CLDN2: variants seen among roughly 807,000 people sequenced by gnomAD.
CLDN2 encodes claudin 2, also known as claudin-2.
CLDN2 carries 1 observed loss-of-function variant against 8.2 expected under a neutral mutation model. The observed-to-expected ratio is 0.12, with a 90% confidence interval of 0.04 to 0.58. The LOEUF (loss-of-function observed/expected upper bound fraction) is 0.58. Ranked by LOEUF, CLDN2 falls within the 20% of genes least tolerant of loss-of-function variation. CLDN2 has a pLI of 0.90. For missense variants in CLDN2, 108 were observed against 172.9 expected, an observed-to-expected ratio of 0.62 and a Z score of 2.11; for synonymous variants, 70 against 70.2, an observed-to-expected ratio of 1.00 and a Z score of 0.01.
In CLDN2 at chrX:106,903,194, G is replaced by T. The variant is rs375592382; in HGVS notation, c.-179+2690G>T. On this transcript the variant is annotated intron_variant, in intron 1 of 1. Coordinates refer to the CLDN2 transcript ENST00000541806. ...AGGCAAGATGGGCTTAACAGGCCAG[G>T]GAGTGCCAGTGGGGCTTGTGCTAGG... The T allele has an allele frequency of 1.8e-4, 218 of 1,209,733 alleles. No homozygotes were observed. Among genetic ancestry groups the T allele is most frequent in the Non-Finnish European group, 2.4e-4 (213 of 894,841 alleles).
upstream of CLDN2, among the ~76,000 whole-genome samples, chrX:106,916,826 T>C (rs1234558001): frequency 8.9e-6 from 1 of 111,836 alleles, no homozygotes; most frequent in African/African-American, 3.3e-5. Flanking sequence ...AGCAGGAGGC[T>C]GGCTTGAGCC....
chrX:106,909,659 A>C (rs7052377), intron 1 of CLDN2, among the ~76,000 whole-genome samples: 1 of 111,569 alleles, frequency 9.0e-6, no homozygotes, highest in African/African-American at 3.3e-5. Context: ...TCCCCAACCC[A>C]GGCCTGCCTC....
intron 1 of CLDN2, chrX:106,900,706 C>T (rs946428246): frequency 1.7e-6 from 2 of 1,174,299 alleles, no homozygotes; most frequent in African/African-American, 3.5e-5. Context: ...GGTATGGACC[C>T]TGGTACCCTC....
At chrX:106,914,689 TTTTTA>T (rs1569287519), upstream of CLDN2, among the ~76,000 whole-genome samples, 1 of 112,053 alleles carries the variant, frequency 8.9e-6, no homozygotes, top group African/African-American at 3.2e-5. Context: ...AGGTTTATAA[TTTTTA>T]TTTTAAAGTA....
chrX:106,903,438 G>A, intron 1 of CLDN2: 1 of 549,446 alleles, frequency 1.8e-6, no homozygotes, highest in Non-Finnish European at 2.7e-6. Context: ...GGGGGATAAA[G>A]ATTTAGGGAA....
chrX:106,908,000 C>G (rs914023033), intron 1 of CLDN2, among the ~76,000 whole-genome samples: 3 of 111,283 alleles, frequency 2.7e-5, no homozygotes, highest in Non-Finnish European at 5.7e-5. Flanking sequence ...GTTTTCTTGC[C>G]GGACAAATCT....
upstream of CLDN2, among the ~76,000 whole-genome samples, chrX:106,918,997 A>G (rs1275208338): frequency 2.7e-5 from 3 of 112,619 alleles, no homozygotes; most frequent in Non-Finnish European, 5.6e-5. Flanking sequence ...TATTATGTGC[A>G]AAGATGCTGG....
chrX:106,906,068 T>C (rs1157072852), intron 1 of CLDN2, among the ~76,000 whole-genome samples: 1 of 112,278 alleles, frequency 8.9e-6, no homozygotes. Context: ...ATTTAAGGCC[T>C]GCAAGTGTTG....
chrX:106,907,185 CCT>C (rs1334164503), intron 1 of CLDN2, among the ~76,000 whole-genome samples: 3 of 111,272 alleles, frequency 2.7e-5, no homozygotes, highest in Admixed American at 9.6e-5. Context: ...GAAACTCTCC[CCT>C]CTTTTGGCCT....
At chrX:106,915,971 T>C (rs1379693025), upstream of CLDN2, among the ~76,000 whole-genome samples, 2 of 109,149 alleles carry the variant, frequency 1.8e-5, no homozygotes, top group Admixed American at 9.9e-5. Flanking sequence ...AAATAACAAT[T>C]GAAAGCCAAA....
At chrX:106,926,708 C>T (rs1406224961) in intron 1 of CLDN2, among the ~76,000 whole-genome samples, 1 of 105,462 alleles carries the variant, frequency 9.5e-6, no homozygotes, top group Admixed American at 1.0e-4. Context: ...ACAAAAAATA[C>T]ACACACACAC....
chrX:106,911,645 A>T (rs2147789064), intron 1 of CLDN2, among the ~76,000 whole-genome samples: 1 of 111,841 alleles, frequency 8.9e-6, no homozygotes, highest in South Asian at 3.8e-4. Context: ...CTTTTCCCCC[A>T]TGTAGGGGTG....
intron 1 of CLDN2, chrX:106,900,839 A>G: frequency 8.3e-7 from 1 of 1,211,575 alleles, no homozygotes; most frequent in Non-Finnish European, 1.1e-6. Context: ...CCTGGACAGG[A>G]AAGTTCTGCA....
In CLDN2 at chrX:106,928,841, A is replaced by C; in HGVS notation, c.613A>C (p.Thr205Pro). 1.7e-6 allele frequency: 2 copies of C among 1,211,782 alleles called. No homozygotes were observed. The highest frequency in any genetic ancestry group is 2.2e-6 in the Non-Finnish European group (2 of 895,488). The change falls in exon 2 of 2, where the codon ACA (threonine) becomes CCA (proline). Residue 205 changes from threonine to proline, a missense_variant. Around this residue, in one of 2 missense-constraint regions of CLDN2, gnomAD observed 81 missense variants for 100.8 expected, o/e 0.80. Transcript: ENST00000336803. ...YDAYQAQPLA[T>P]RSSPRPGQPP... The stretch of plus-strand genomic sequence containing the variant: ...TGCCTACCAAGCCCAACCTCTTGCC[A>C]CAAGGAGCTCTCCAAGGCCTGGTCA...
chrX:106,912,294 A>T (rs924753222), intron 1 of CLDN2, among the ~76,000 whole-genome samples: 10 of 111,378 alleles, frequency 9.0e-5, no homozygotes, highest in Non-Finnish European at 1.7e-4. Context: ...GGCTGGGCAT[A>T]GGAAGTATAT....
At chrX:106,906,758 G>C (rs1248522843) in intron 1 of CLDN2, among the ~76,000 whole-genome samples, 1 of 110,964 alleles carries the variant, frequency 9.0e-6, no homozygotes, top group Non-Finnish European at 1.9e-5. Flanking sequence ...CCTTCCTCCA[G>C]CCATTTGTTA....
Position 106,928,784 on chromosome X carries a change from T to G in CLDN2, c.556T>G (p.Ser186Ala), listed in dbSNP as rs1330462225. 1 of 1,209,508 alleles carries G rather than the reference T, an allele frequency of 8.3e-7. No homozygotes were observed. Among genetic ancestry groups the G allele is most frequent in the African/African-American group, 1.8e-5 (1 of 57,043 alleles). ...TGGAATCATCCTCTGCTTTTCCTGC[T>G]CATCCCAGAGAAATCGCTCCAACTA... ...IAGIILCFSC[S>A]SQRNRSNYYD... The change falls in exon 2 of 2, where the codon TCA becomes GCA. Residue 186 changes from serine (S) to alanine (A), a missense_variant. By Grantham distance (99) the Ser-to-Ala change is moderately conservative (BLOSUM62 1). Transcript: ENST00000336803.
At chrX:106,902,298 C>T in intron 1 of CLDN2, 2 of 858,132 alleles carry the variant, frequency 2.3e-6, no homozygotes, top group South Asian at 2.3e-5. Context: ...CTCCCAAAAG[C>T]TTGGCTCAGG....
chrX:106,916,540 G>A (rs1158387363), upstream of CLDN2, among the ~76,000 whole-genome samples: 1 of 111,355 alleles, frequency 9.0e-6, no homozygotes, highest in Non-Finnish European at 1.9e-5. Flanking sequence ...ATCCCGGTGA[G>A]AGATGATGCT....
Sources: gnomAD v4.1 joint callset for allele counts (sites outside exome capture counted in the v4.1 genomes callset) on GRCh38, gnomAD v4.1.1 for gene constraint, gnomAD v4.1.1 regional missense constraint, MANE v1.5 for transcripts, NCBI Gene and HGNC (gene_info 2026-07-23, HGNC 2026-07-21) for gene names.